The following SRFBP1 variants were observed in gnomAD, a reference collection of about 807,000 sequenced individuals.
SRFBP1 encodes the protein serum response factor-binding protein 1.
A neutral mutation model predicts 45.5 loss-of-function variants in SRFBP1; 47 were observed. That is an observed-to-expected ratio of 1.03 (90% CI 0.82 to 1.32). The LOEUF (loss-of-function observed/expected upper bound fraction) is 1.32, where lower values mean the gene tolerates loss of function less well. SRFBP1 is among the 40% of genes most tolerant of loss of function. The pLI is 0.00. For missense variants in SRFBP1, 621 were observed against 484.6 expected (o/e 1.28, Z -2.64); for synonymous variants, 203 against 166.3 (o/e 1.22, Z -1.70).
rs762716345 is a variant in SRFBP1 at position 122,070,349 on chromosome 5, CAGATT to C, written n.312-4950_312-4946del. On this transcript the variant is annotated intron_variant and non_coding_transcript_variant, in intron 2 of 2. Transcript: ENST00000504881. ...TCCCCTGAAGTTCTTTAAAATAAGA[CAGATT>C]AGATTAGATTAGATTGTTTATAAAT... 11 of 649,424 alleles carry C rather than the reference CAGATT, an allele frequency of 1.7e-5. No homozygotes were observed. The East Asian group carries it at 1.9e-4, about 11-fold the overall frequency. 40.2% of individuals were successfully genotyped at this position (649,424 alleles called of 1,614,324 possible).
chr5:121,965,404 A>G lies in SRFBP1; in HGVS notation c.36+3336A>G, dbSNP rs531532384. On this transcript the variant is annotated intron_variant, in intron 1 of 7. Coordinates refer to ENST00000339397, the MANE Select transcript of SRFBP1 (RefSeq NM_152546.3). ...AAGGGGTCCAGTTTCAGTTTTCTGC[A>G]TATGGCTACCCAGTTTTCCCAACAC... Among the ~76,000 whole-genome samples the G allele has an allele frequency of 4.6e-5, 7 of 152,346 alleles. No homozygotes were observed. In the East Asian group the frequency reaches 1.2e-3, roughly 25 times the overall value.
chr5:122,070,457 C>T (rs1044348063), intron 2 of SRFBP1: 1 of 1,126,802 alleles, frequency 8.9e-7, no homozygotes, highest in South Asian at 1.3e-5. Flanking sequence ...TATTGATCTG[C>T]AATATCAATA....
At chr5:122,001,710 C>T (rs1365133590) in intron 4 of SRFBP1, among the ~76,000 whole-genome samples, 1 of 151,736 alleles carries the variant, frequency 6.6e-6, no homozygotes, top group Non-Finnish European at 1.5e-5. Context: ...TACAGGCGCC[C>T]GCCACCGTGC....
At chr5:122,059,956 T>C (rs1450030304) in intron 2 of SRFBP1, among the ~76,000 whole-genome samples, 2 of 152,094 alleles carry the variant, frequency 1.3e-5, no homozygotes, top group Non-Finnish European at 2.9e-5. Context: ...CTTATTCTTT[T>C]TCTGTTTGCC....
chr5:122,007,689 GA>G (rs1410887657), intron 4 of SRFBP1, among the ~76,000 whole-genome samples: 1 of 150,782 alleles, frequency 6.6e-6, no homozygotes, highest in Non-Finnish European at 1.5e-5. Flanking sequence ...AGTTTTCTGG[GA>G]CAGACCTGGA....
chr5:122,035,547 G>GTTTTCCGACTACCACATCTC (rs1753680315), intron 2 of SRFBP1, among the ~76,000 whole-genome samples: 1 of 152,026 alleles, frequency 6.6e-6, no homozygotes. Context: ...TGGCTGCTTG[G>GTTTTCCGACTACCACATCTC]TTTTCCGACT....
chr5:122,040,256 A>G (rs1183531903), intron 2 of SRFBP1, among the ~76,000 whole-genome samples: 3 of 152,100 alleles, frequency 2.0e-5, no homozygotes, highest in African/African-American at 7.2e-5. Context: ...TGCCAGTGTG[A>G]ATTGGGCCTA....
rs1236633424 is a variant in SRFBP1 at position 121,998,579 on chromosome 5, TG to T, written c.270+3912del. On this transcript the variant is annotated intron_variant, in intron 4 of 7. Transcript: ENST00000339397. Reference sequence around the variant, plus strand: ...TACCTAATGCTAGATGACGAGTTAGTGGGTGCAGCGCACCAGCATGGCACGT... The same window carrying T: ...TACCTAATGCTAGATGACGAGTTAGTGGTGCAGCGCACCAGCATGGCACGT... Among the ~76,000 whole-genome samples, 16 of 142,886 alleles carry T rather than the reference TG, an allele frequency of 1.1e-4. No individual in the cohort carries two copies. The South Asian group carries it at 2.9e-3, about 26-fold the overall frequency. The allele number at this position is 142,886 out of a possible 152,430, so 93.7% of individuals were successfully genotyped here. A position where few individuals can be genotyped will look rare whatever the true frequency, so the allele number is the denominator to read the frequency against.
At chr5:122,067,781 A>G (rs1754338002) in intron 2 of SRFBP1, among the ~76,000 whole-genome samples, 1 of 152,048 alleles carries the variant, frequency 6.6e-6, no homozygotes, top group Non-Finnish European at 1.5e-5. Flanking sequence ...CTGCCATGCA[A>G]GTTGCCTGTG....
At chr5:122,007,678 G>A (rs115394722) in intron 4 of SRFBP1, among the ~76,000 whole-genome samples, 4,202 of 151,202 alleles carry the variant, frequency 0.028, 254 homozygotes, top group African/African-American at 0.098. Context: ...GGTCCAGTGG[G>A]AGTTTTCTGG....
chr5:122,078,045 G>A, downstream of SRFBP1: 1 of 1,405,032 alleles, frequency 7.1e-7, no homozygotes, highest in Non-Finnish European at 9.3e-7. Context: ...AAATAAAAAC[G>A]GGGCTCAAAT....
At chr5:122,019,411 T>C in intron 5 of SRFBP1, 70 bp downstream of exon 5, 1 of 1,180,788 alleles carries the variant, frequency 8.5e-7, no homozygotes, top group Non-Finnish European at 1.2e-6. Context: ...GCTATTCACT[T>C]ATTTTAACTC....
At chr5:122,057,840 G>C (rs1183367842) in intron 2 of SRFBP1, among the ~76,000 whole-genome samples, 2 of 151,562 alleles carry the variant, frequency 1.3e-5, no homozygotes, top group African/African-American at 4.8e-5. Flanking sequence ...CACTACTCCT[G>C]ACTAATTTTT....
At position 122,022,623 on chromosome 5, in the gene SRFBP1, C is replaced by G. The variant is rs145091036; in HGVS notation, c.1105+216C>G. ...AGGGAAAGATATAGACAAAATTTATCAGGAAATATTATGTCTATTTAACTT... is the reference window on the plus strand; with the variant it reads ...AGGGAAAGATATAGACAAAATTTATGAGGAAATATTATGTCTATTTAACTT... On this transcript the variant is annotated intron_variant, in intron 7 of 7. Transcript: ENST00000339397. Among the ~76,000 whole-genome samples, 1,082 of 152,234 alleles carry G rather than the reference C, an allele frequency of 7.1e-3. 12 individuals are homozygous for G. The highest frequency in any genetic ancestry group is 0.024 in the African/African-American group (999 of 41,538).
At chr5:122,005,160 A>G (rs1450579936) in intron 4 of SRFBP1, among the ~76,000 whole-genome samples, 2 of 152,182 alleles carry the variant, frequency 1.3e-5, no homozygotes, top group Non-Finnish European at 2.9e-5. Flanking sequence ...TATTAGGTCT[A>G]TACAGTCTAA....
chr5:122,073,620 A>G (rs541057618), intron 2 of SRFBP1, among the ~76,000 whole-genome samples: 1 of 152,338 alleles, frequency 6.6e-6, no homozygotes, highest in African/African-American at 2.4e-5. Flanking sequence ...GTTGTCAACC[A>G]TTCAGACTTT....
intron 2 of SRFBP1, among the ~76,000 whole-genome samples, chr5:122,035,460 C>A (rs563821289): frequency 6.6e-6 from 1 of 152,326 alleles, no homozygotes; most frequent in East Asian, 1.9e-4. Context: ...ACCCCATCTT[C>A]CTTCTGTGCT....
chr5:121,998,332 G>T (rs1403437185), intron 4 of SRFBP1, among the ~76,000 whole-genome samples: 4 of 149,584 alleles, frequency 2.7e-5, no homozygotes, highest in Non-Finnish European at 5.9e-5. Context: ...ATACTATGCA[G>T]CCATAAAAAA....
intron 1 of SRFBP1, 56 bp from the exon 2 acceptor site, chr5:121,974,138 AGT>A (rs1364443192): frequency 9.3e-6 from 11 of 1,183,200 alleles, no homozygotes; most frequent in African/African-American, 7.6e-5. Context: ...CTCAAAATAA[AGT>A]GTGTTTGTTC....
Sources: gnomAD v4.1 joint callset for allele counts (sites outside exome capture counted in the v4.1 genomes callset) on GRCh38, gnomAD v4.1.1 for gene constraint, MANE v1.5 for transcripts, NCBI Gene and HGNC (gene_info 2026-07-23, HGNC 2026-07-21) for gene names.